Variants in ATG4C observed in about 807,000 individuals in gnomAD.
ATG4C encodes cysteine protease ATG4C.
In ATG4C, 56 loss-of-function variants were observed where a neutral mutation model predicts 57.6. The ratio of observed to expected loss-of-function variants is 0.97; its 90% CI spans 0.78 to 1.21. The LOEUF (loss-of-function observed/expected upper bound fraction) is 1.21. ATG4C is among the 50% of genes most tolerant of loss of function. ATG4C has a pLI of 0.00. For missense variants in ATG4C, 595 were observed against 529.8 expected (o/e 1.12, Z -1.21); for synonymous variants, 157 against 174.1 (o/e 0.90, Z 0.78).
chr1:62,829,825 A>G (rs189038894), intron 7 of ATG4C, among the ~76,000 whole-genome samples: 197 of 152,258 alleles, frequency 1.3e-3, no homozygotes, highest in African/African-American at 4.5e-3. Context: ...TTTCTGATTA[A>G]GGCAGAAGTT....
rs1666201194 is a variant in ATG4C at position 62,842,425 on chromosome 1, C to T, written c.1209+878C>T. On this transcript the variant is annotated intron_variant, in intron 10 of 10. Coordinates refer to ENST00000317868, the MANE Select transcript of ATG4C (RefSeq NM_032852.4). ...CAAGCAATTATCTTGCCTCAGCCTC[C>T]TGAGTAGCTGGGATTACAAGCATGT... Among the ~76,000 whole-genome samples the T allele has an allele frequency of 5.3e-5, 8 of 151,874 alleles. No homozygotes were observed. The South Asian group carries it at 1.7e-3, about 32-fold the overall frequency.
chr1:62,798,922 C>T (rs911018601), intron 1 of ATG4C, among the ~76,000 whole-genome samples: 1 of 152,116 alleles, frequency 6.6e-6, no homozygotes, highest in Non-Finnish European at 1.5e-5. Context: ...GGATTATAGG[C>T]GTGAGCCACC....
At chr1:62,796,741 C>T (rs915020684) in intron 1 of ATG4C, among the ~76,000 whole-genome samples, 1 of 152,080 alleles carries the variant, frequency 6.6e-6, no homozygotes, top group African/African-American at 2.4e-5. Context: ...TTAAAAGATG[C>T]TCAATGTGAA....
chr1:62,847,438 G>A (rs983939844), intron 10 of ATG4C, among the ~76,000 whole-genome samples: 1 of 152,116 alleles, frequency 6.6e-6, no homozygotes, highest in Non-Finnish European at 1.5e-5. Context: ...AAGTTTCATC[G>A]AGAAGAAAAT....
chr1:62,853,107 A>G lies in ATG4C; in HGVS notation c.1210-10885A>G, dbSNP rs544079233. 3.9e-5 allele frequency among the ~76,000 whole-genome samples: 6 copies of G among 152,392 alleles called. No individual in the cohort carries two copies. In the East Asian group the frequency reaches 1.2e-3, roughly 29 times the overall value. On this transcript the variant is annotated intron_variant, in intron 10 of 10. Transcript: ENST00000317868. ...TAATTTATTGATAATTTAATTAGAT[A>G]CAGAATTCTAAAATGAAAATAATTT...
intron 10 of ATG4C, among the ~76,000 whole-genome samples, chr1:62,852,735 G>A (rs962220663): frequency 8.7e-5 from 12 of 137,712 alleles, no homozygotes; most frequent in African/African-American, 3.3e-4. Flanking sequence ...CATTTCCTTA[G>A]TTCTGTTTTT....
chr1:62,846,374 A>C (rs1438041974), intron 10 of ATG4C, among the ~76,000 whole-genome samples: 2 of 152,132 alleles, frequency 1.3e-5, no homozygotes, highest in Non-Finnish European at 2.9e-5. Context: ...TAATGTTGGA[A>C]TAGCTTAGGG....
Position 62,829,146 on chromosome 1 carries a change from AAC to A in ATG4C, c.904_905del (p.Thr302GlnfsTer26). On this transcript the variant is annotated frameshift_variant, in exon 7 of 11. Transcript: ENST00000317868. LOFTEE classifies it high-confidence loss of function. ...LVPVRLGGERTNTDYLEFVKG... is the reference protein window; with the variant it reads ...LVPVRLGGERXNTDYLEFVKG... ...TTCCTGTTAGACTTGGTGGAGAAAG[AAC>A]CAACACCGACTACTTAGAATTTGTG... is the stretch of plus-strand genomic sequence containing the variant. The A allele has an allele frequency of 6.2e-7, 1 of 1,613,176 alleles. No individual in the cohort carries two copies. Among genetic ancestry groups the A allele is most frequent in the Non-Finnish European group, 8.5e-7 (1 of 1,179,386 alleles).
At chr1:62,825,866 C>T (rs1665632496) in intron 6 of ATG4C, among the ~76,000 whole-genome samples, 1 of 152,072 alleles carries the variant, frequency 6.6e-6, no homozygotes, top group East Asian at 1.9e-4. Flanking sequence ...TCACATCTTA[C>T]ATTTAATAGT....
chr1:62,826,547 A>G (rs1665662622), intron 6 of ATG4C, among the ~76,000 whole-genome samples: 2 of 150,190 alleles, frequency 1.3e-5, no homozygotes, highest in Non-Finnish European at 3.0e-5. Context: ...ACCATTCCCT[A>G]TTTTTACAGT....
intron 1 of ATG4C, among the ~76,000 whole-genome samples, chr1:62,801,958 CAAAAAAAAAAAAA>C (rs60298362): frequency 9.6e-5 from 5 of 51,892 alleles, no homozygotes; most frequent in East Asian, 6.2e-4. Context: ...ACTCTGTCTC[CAAAAAAAAAAAAA>C]AAAAAAAAAA....
chr1:62,796,155 T>A (rs2100284803), intron 1 of ATG4C, among the ~76,000 whole-genome samples: 1 of 149,742 alleles, frequency 6.7e-6, no homozygotes, highest in African/African-American at 2.5e-5. Context: ...AAATGCATTT[T>A]AATTTTTTTT....
chr1:62,816,632 C>T lies in ATG4C; in HGVS notation c.218C>T (p.Ala73Val). Residue 73 changes from alanine (A) to valine (V), a missense_variant, in exon 4 of 11, where the codon GCA becomes GTA. Coordinates refer to ENST00000317868, the MANE Select transcript of ATG4C (RefSeq NM_032852.4). The stretch of plus-strand genomic sequence containing the variant: ...TGTACAATAGAGGATCACGTAATTG[C>T]AGGAAATGTAGAAGAATTTCGTAAA... ...SGCTIEDHVI[A>V]GNVEEFRKDF... 6.2e-7 allele frequency: 1 copy of T among 1,613,690 alleles called. No homozygotes were observed. Among genetic ancestry groups the T allele is most frequent in the Non-Finnish European group, 8.5e-7 (1 of 1,179,788 alleles).
chr1:62,793,645 C>T (rs1443462729), intron 1 of ATG4C, among the ~76,000 whole-genome samples: 1 of 109,628 alleles, frequency 9.1e-6, no homozygotes, highest in Non-Finnish European at 2.0e-5. Flanking sequence ...AAAAAACCAA[C>T]ACACACACAA....
In ATG4C at chr1:62,816,655, A is replaced by G. The variant is rs1418919275; in HGVS notation, c.241A>G (p.Lys81Glu). Residue 81 changes from lysine to glutamate, a missense_variant, in exon 4 of 11, where the codon AAA becomes GAA. Lys to Glu is a moderately conservative substitution (Grantham distance 56). Transcript: ENST00000317868. ...VIAGNVEEFR[K>E]DFISRIWLTY... ...TGCAGGAAATGTAGAAGAATTTCGTAAAGATTTCATTTCTAGAATATGGCT... is the reference window on the plus strand; with the variant it reads ...TGCAGGAAATGTAGAAGAATTTCGTGAAGATTTCATTTCTAGAATATGGCT... 1.2e-6 allele frequency: 2 copies of G among 1,613,848 alleles called. No homozygotes were observed. Among genetic ancestry groups the G allele is most frequent in the Non-Finnish European group, 1.7e-6 (2 of 1,179,824 alleles).
At chr1:62,861,647 G>T (rs1666863233) in intron 10 of ATG4C, among the ~76,000 whole-genome samples, 1 of 147,830 alleles carries the variant, frequency 6.8e-6, no homozygotes, top group African/African-American at 2.5e-5. Flanking sequence ...AAACACATGA[G>T]AAAAATCACT....
chr1:62,819,479 A>G lies in ATG4C; in HGVS notation c.725+144A>G, dbSNP rs549177366. 1,028 of 632,720 alleles carry G rather than the reference A, an allele frequency of 1.6e-3. 1 individual carries two copies. Among genetic ancestry groups the G allele is most frequent in the Non-Finnish European group, 2.2e-3 (922 of 411,920 alleles). The allele number at this position is 632,720 out of a possible 1,614,324, so 39.2% of individuals were successfully genotyped here. The stretch of plus-strand genomic sequence containing the variant: ...GATAAAGACGCTTTCATTTGCCAGC[A>G]GGGAAAAAAGAAGACATATTGCGAC... On this transcript the variant is annotated intron_variant, in intron 5 of 10. Transcript: ENST00000317868.
chr1:62,794,824 GT>G (rs529537725), intron 1 of ATG4C, among the ~76,000 whole-genome samples: 13 of 151,216 alleles, frequency 8.6e-5, no homozygotes, highest in African/African-American at 3.2e-4. Context: ...AATAATTGAT[GT>G]TTCTGTAAAC....
intron 10 of ATG4C, among the ~76,000 whole-genome samples, chr1:62,844,714 C>T (rs1666276526): frequency 6.6e-6 from 1 of 151,958 alleles, no homozygotes. Flanking sequence ...TCCTTTTCTT[C>T]CTTCTCAGTG....
Sources: gnomAD v4.1 joint callset for allele counts (sites outside exome capture counted in the v4.1 genomes callset) on GRCh38, gnomAD v4.1.1 for gene constraint, MANE v1.5 for transcripts, NCBI Gene and HGNC (gene_info 2026-07-23, HGNC 2026-07-21) for gene names.